RAMP1: variants seen among roughly 807,000 people sequenced by gnomAD.
RAMP1 encodes receptor activity-modifying protein 1.
RAMP1 carries 7 observed loss-of-function variants against 8.2 expected under a neutral mutation model. The observed-to-expected ratio is 0.85, with a 90% confidence interval of 0.49 to 1.60. RAMP1 has a LOEUF of 1.60. RAMP1 is among the 40% of genes most tolerant of loss of function. The pLI, the probability that RAMP1 is intolerant of heterozygous loss-of-function variation, is 0.00. For missense variants in RAMP1, 192 were observed against 202.4 expected, an observed-to-expected ratio of 0.95 and a Z score of 0.31; for synonymous variants, 92 against 84.7, an observed-to-expected ratio of 1.09 and a Z score of -0.47.
intron 2 of RAMP1, among the ~76,000 whole-genome samples, chr2:237,882,845 G>A (rs924262643): frequency 8.0e-6 from 1 of 124,346 alleles, no homozygotes; most frequent in Non-Finnish European, 1.7e-5. Context: ...GTGGGCAGGT[G>A]GCACTGTGTC....
intron 1 of RAMP1, among the ~76,000 whole-genome samples, chr2:237,869,034 G>A (rs1229614175): frequency 6.6e-5 from 10 of 152,072 alleles, no homozygotes. Flanking sequence ...ATCCATCCCG[G>A]TCATCATATT....
At chr2:237,908,569 C>T (rs112507364) in intron 2 of RAMP1, among the ~76,000 whole-genome samples, 31 of 152,214 alleles carry the variant, frequency 2.0e-4, no homozygotes, top group Admixed American at 5.9e-4. Flanking sequence ...TCCCTCGTAG[C>T]TGGGATTACA....
At chr2:237,890,880 C>T (rs1323882856) in intron 2 of RAMP1, among the ~76,000 whole-genome samples, 2 of 152,094 alleles carry the variant, frequency 1.3e-5, no homozygotes, top group African/African-American at 4.8e-5. Flanking sequence ...CCGCACATGC[C>T]CAGTTTTGTA....
chr2:237,899,633 G>C (rs761566815), intron 2 of RAMP1, among the ~76,000 whole-genome samples: 4 of 152,254 alleles, frequency 2.6e-5, no homozygotes, highest in African/African-American at 9.6e-5. Flanking sequence ...TAGGGGACTT[G>C]AGTGTCTATT....
In RAMP1 at chr2:237,872,630, G is replaced by A. The variant is rs2151006141; in HGVS notation, c.53-4594G>A. Among the ~76,000 whole-genome samples, 3 of 152,326 alleles carry A rather than the reference G, an allele frequency of 2.0e-5. No individual in the cohort carries two copies. In the Middle Eastern group the frequency reaches 0.01, roughly 518 times the overall value. On this transcript the variant is annotated intron_variant, in intron 1 of 2. Transcript: ENST00000254661. Reference sequence around the variant, plus strand: ...TTCTGAGATGAGCGTGCCAGGGATTGCATCCAGGCTGTACCACTCCTGGGC... The same window carrying A: ...TTCTGAGATGAGCGTGCCAGGGATTACATCCAGGCTGTACCACTCCTGGGC...
chr2:237,877,190 G>T lies in RAMP1; in HGVS notation c.53-34G>T, dbSNP rs373098611. On this transcript the variant is annotated intron_variant, in intron 1 of 2. Transcript: ENST00000254661. This position sits in a 1 kb window ranked among gnomAD's most constrained non-coding sequence, Gnocchi z 4.4. ...GTGATACCCCTAGGCCTCTGCTGCC[G>T]CCCGCCATCTCTTCATGGCCGTGTC... 1.2e-6 allele frequency: 2 copies of T among 1,612,312 alleles called. No homozygotes were observed. The highest frequency in any genetic ancestry group is 2.2e-5 in the East Asian group (1 of 44,868).
chr2:237,911,963 C>T lies in RAMP1; in HGVS notation c.*180C>T. The T allele has an allele frequency of 8.9e-7, 1 of 1,127,734 alleles. No individual in the cohort carries two copies. Among genetic ancestry groups the T allele is most frequent in the East Asian group, 2.6e-5 (1 of 38,404 alleles). 69.9% of individuals were successfully genotyped at this position (1,127,734 alleles called of 1,614,324 possible). ...GGCTCTGGTATTAACCTGGAAGCCC[C>T]CCTGGCTGGAGGCCACCGCCACCCT... On this transcript the variant is annotated 3_prime_UTR_variant, in exon 3 of 3. Coordinates refer to ENST00000254661, the MANE Select transcript of RAMP1 (RefSeq NM_005855.4).
At chr2:237,867,493 G>A (rs1576533387) in intron 1 of RAMP1, among the ~76,000 whole-genome samples, 1 of 151,644 alleles carries the variant, frequency 6.6e-6, no homozygotes, top group Non-Finnish European at 1.5e-5. Context: ...TGTGGGGGTG[G>A]GGGTGGGAGA....
intron 2 of RAMP1, among the ~76,000 whole-genome samples, chr2:237,907,524 T>G (rs1188681139): frequency 2.0e-5 from 3 of 150,494 alleles, no homozygotes; most frequent in Non-Finnish European, 4.4e-5. Flanking sequence ...TTTTTCTCTT[T>G]GTGTTCCAGT....
At chr2:237,874,219 G>A (rs930517402) in intron 1 of RAMP1, among the ~76,000 whole-genome samples, 9 of 152,228 alleles carry the variant, frequency 5.9e-5, no homozygotes, top group African/African-American at 4.8e-5. Context: ...GGGGCAGGCC[G>A]CTGCTCTGGA....
chr2:237,908,712 A>C (rs1012048819), intron 2 of RAMP1, among the ~76,000 whole-genome samples: 2 of 152,174 alleles, frequency 1.3e-5, no homozygotes, highest in African/African-American at 2.4e-5. Flanking sequence ...CTGGGATTAC[A>C]GGTGTTAAGC....
intron 2 of RAMP1, among the ~76,000 whole-genome samples, chr2:237,906,318 T>C (rs1176501992): frequency 6.6e-6 from 1 of 152,098 alleles, no homozygotes; most frequent in Non-Finnish European, 1.5e-5. Context: ...ACTAGGCCTC[T>C]TGGATGGGCT....
At chr2:237,879,369 G>C (rs920464071) in intron 2 of RAMP1, among the ~76,000 whole-genome samples, 1 of 151,928 alleles carries the variant, frequency 6.6e-6, no homozygotes, top group African/African-American at 2.4e-5. Flanking sequence ...TTCCTGCAGT[G>C]CCAGAGCACA....
chr2:237,872,340 C>T (rs2062254918), intron 1 of RAMP1, among the ~76,000 whole-genome samples: 1 of 152,248 alleles, frequency 6.6e-6, no homozygotes, highest in African/African-American at 2.4e-5. Context: ...CACATCCACT[C>T]TCCCAGGGCC....
intron 2 of RAMP1, among the ~76,000 whole-genome samples, chr2:237,893,904 C>T (rs2062511351): frequency 6.6e-6 from 1 of 151,582 alleles, no homozygotes; most frequent in Non-Finnish European, 1.5e-5. Context: ...TGTGCCACTG[C>T]ACTCCAGCCT....
rs1460097280 is a variant in RAMP1, at chr2:237,878,074, G to A, written c.191+712G>A. ...CTTTCAAGTCCTTGTTTCTGCCTCC[G>A]TGGGAGGCGCTGGGGTGTCCTGGGG... On this transcript the variant is annotated intron_variant, in intron 2 of 2. Coordinates refer to ENST00000254661, the MANE Select transcript of RAMP1 (RefSeq NM_005855.4). This position sits in a 1 kb window ranked among gnomAD's most constrained non-coding sequence, Gnocchi z 5.7. 12 of 985,344 alleles carry A rather than the reference G, an allele frequency of 1.2e-5. No homozygotes were observed. Among genetic ancestry groups the A allele is most frequent in the Non-Finnish European group, 1.4e-5 (12 of 829,932 alleles). The allele number at this position is 985,344 out of a possible 1,614,324, so 61.0% of individuals were successfully genotyped here.
intron 1 of RAMP1, among the ~76,000 whole-genome samples, chr2:237,867,747 G>C (rs2062203975): frequency 6.6e-6 from 1 of 152,152 alleles, no homozygotes; most frequent in South Asian, 2.1e-4. Context: ...GGTGTCTGTT[G>C]GCCACTGTTT....
intron 2 of RAMP1, among the ~76,000 whole-genome samples, chr2:237,910,306 C>T (rs949081132): frequency 2.0e-5 from 3 of 149,674 alleles, no homozygotes; most frequent in Admixed American, 6.7e-5. Flanking sequence ...TAACAAGTTA[C>T]GCTCACACAC....
At chr2:237,896,645 CTTTGT>C (rs896001279) in intron 2 of RAMP1, among the ~76,000 whole-genome samples, 1 of 152,194 alleles carries the variant, frequency 6.6e-6, no homozygotes, top group African/African-American at 2.4e-5. Flanking sequence ...TTTTCTTAGA[CTTTGT>C]TTTGTTTTGT....
Sources: allele counts gnomAD v4.1 joint callset (sites outside exome capture counted in the v4.1 genomes callset), GRCh38; gene constraint gnomAD v4.1.1; non-coding constraint Gnocchi (gnomAD v3.1); transcripts MANE v1.5; gene names NCBI Gene and HGNC (gene_info 2026-07-23, HGNC 2026-07-21).